Variants in PRKG2 observed in about 807,000 individuals in gnomAD.
The protein encoded by PRKG2 is cGMP-dependent protein kinase 2.
In PRKG2, 33 loss-of-function variants were observed where a neutral mutation model predicts 97.2. That is an observed-to-expected ratio of 0.34 (90% CI 0.26 to 0.45). PRKG2 has a LOEUF of 0.45. Ranked by LOEUF, PRKG2 falls within the 20% of genes least tolerant of loss-of-function variation. PRKG2 has a pLI of 1.00. For missense variants in PRKG2, 638 were observed against 900.0 expected (o/e 0.71, Z 3.73); for synonymous variants, 330 against 321.8 (o/e 1.03, Z -0.27).
intron 2 of PRKG2, among the ~76,000 whole-genome samples, chr4:81,187,446 C>T (rs1010681786): frequency 2.6e-5 from 4 of 151,748 alleles, no homozygotes; most frequent in African/African-American, 9.7e-5. Flanking sequence ...TAAAAACTCT[C>T]AATGAACTAC....
rs114428439 is a variant in PRKG2 at position 81,174,439 on chromosome 4, C to T, written c.628+354G>A. 5.2e-3 allele frequency among the ~76,000 whole-genome samples: 784 copies of T among 152,088 alleles called. 13 individuals are homozygous for T. The highest frequency in any genetic ancestry group is 0.018 in the African/African-American group (746 of 41,542). On this transcript the variant is annotated intron_variant, in intron 3 of 18. Coordinates refer to ENST00000264399, the MANE Select transcript of PRKG2 (RefSeq NM_006259.3). ...TCAAATTGCCTAAGTGTGCATTTTA[C>T]CTCCACTGCTTATGATCTATGTGGC...
In PRKG2 at chr4:81,148,957, A is replaced by G. The variant is rs1484174342; in HGVS notation, c.1086-5T>C. ...TTAGCTGACCTGACATCATCACTGCAAACAAAAATAGGAAAGTCAATTTTC... is the reference window on the plus strand; with the variant it reads ...TTAGCTGACCTGACATCATCACTGCGAACAAAAATAGGAAAGTCAATTTTC... On this transcript the variant is annotated splice_region_variant and splice_polypyrimidine_tract_variant and intron_variant, in intron 8 of 18. Coordinates refer to ENST00000264399, the MANE Select transcript of PRKG2 (RefSeq NM_006259.3). 1 of 1,613,184 alleles carries G rather than the reference A, an allele frequency of 6.2e-7. No individual in the cohort carries two copies. Among genetic ancestry groups the G allele is most frequent in the Admixed American group, 1.7e-5 (1 of 59,986 alleles).
rs59866145 is a variant in PRKG2, at chr4:81,092,465, AAAGGAAGGAAGG to A, written c.2127-25_2127-14del. On this transcript the variant is annotated splice_polypyrimidine_tract_variant and intron_variant, in intron 17 of 18. Coordinates refer to ENST00000264399, the MANE Select transcript of PRKG2 (RefSeq NM_006259.3). ...ACCATTTAACCACCTGAGAAATGAG[AAAGGAAGGAAGG>A]AAGGAAGGAAGGAAGGAAGGAAGGA... 7,377 of 925,864 alleles carry A rather than the reference AAAGGAAGGAAGG, an allele frequency of 8.0e-3. 99 individuals are homozygous for A. The highest frequency in any genetic ancestry group is 0.03 in the South Asian group (1,731 of 57,658). The allele number at this position is 925,864 out of a possible 1,614,324, so 57.4% of individuals were successfully genotyped here. A position where few individuals can be genotyped will look rare whatever the true frequency, so the allele number is the denominator to read the frequency against.
intron 15 of PRKG2, among the ~76,000 whole-genome samples, chr4:81,107,546 C>T (rs1320933954): frequency 6.6e-6 from 1 of 152,068 alleles, no homozygotes; most frequent in Non-Finnish European, 1.5e-5. Context: ...GGGAGTCTCA[C>T]TCTGTCATCA....
chr4:81,162,632 A>T (rs971680366), intron 6 of PRKG2, among the ~76,000 whole-genome samples: 18 of 152,128 alleles, frequency 1.2e-4, no homozygotes, highest in African/African-American at 4.3e-4. Context: ...TTTGCCTCAT[A>T]GTTTGCTTAC....
At chr4:81,145,023 T>G (rs1025949437) in intron 9 of PRKG2, among the ~76,000 whole-genome samples, 2 of 152,058 alleles carry the variant, frequency 1.3e-5, no homozygotes, top group African/African-American at 4.8e-5. Flanking sequence ...GACATTTGGG[T>G]TGGTTCCAAG....
At chr4:81,177,434 G>A (rs183148727) in intron 2 of PRKG2, among the ~76,000 whole-genome samples, 73 of 152,188 alleles carry the variant, frequency 4.8e-4, no homozygotes, top group Non-Finnish European at 4.4e-4. Flanking sequence ...GGCCAGGCGC[G>A]GTGGCTCACG....
chr4:81,211,292 T>C (rs1444598475), intron 1 of PRKG2, among the ~76,000 whole-genome samples: 1 of 152,182 alleles, frequency 6.6e-6, no homozygotes, highest in Non-Finnish European at 1.5e-5. Flanking sequence ...GGTGGGTATA[T>C]AGGAACTCTG....
intron 6 of PRKG2, among the ~76,000 whole-genome samples, chr4:81,161,817 C>A (rs186521969): frequency 6.6e-6 from 1 of 152,156 alleles, no homozygotes; most frequent in East Asian, 1.9e-4. Flanking sequence ...ATTCACCTAG[C>A]CAATTAATGA....
chr4:81,096,261 G>A (rs1178562515), intron 17 of PRKG2, among the ~76,000 whole-genome samples: 2 of 152,158 alleles, frequency 1.3e-5, no homozygotes, highest in Non-Finnish European at 2.9e-5. Context: ...CTGAGGTTAG[G>A]CTGGGCATAG....
intron 17 of PRKG2, among the ~76,000 whole-genome samples, chr4:81,100,164 AT>A (rs1338358231): frequency 8.6e-5 from 13 of 151,838 alleles, no homozygotes; most frequent in African/African-American, 3.2e-4. Flanking sequence ...ATTCAATGCC[AT>A]CTCCATCAAG....
intron 6 of PRKG2, among the ~76,000 whole-genome samples, chr4:81,159,815 T>C (rs1320813506): frequency 6.6e-6 from 1 of 151,882 alleles, no homozygotes; most frequent in East Asian, 1.9e-4. Context: ...TGTAGGGACA[T>C]GGATGAAATT....
At chr4:81,162,361 A>C (rs1749650268) in intron 6 of PRKG2, among the ~76,000 whole-genome samples, 1 of 152,122 alleles carries the variant, frequency 6.6e-6, no homozygotes, top group Admixed American at 6.6e-5. Flanking sequence ...TTTTATCTAA[A>C]ATAATCTGAG....
chr4:81,145,287 G>A (rs147162982), intron 9 of PRKG2, among the ~76,000 whole-genome samples: 1 of 152,162 alleles, frequency 6.6e-6, no homozygotes, highest in African/African-American at 2.4e-5. Flanking sequence ...GAAGATAGTG[G>A]GAAGGGAACA....
intron 2 of PRKG2, among the ~76,000 whole-genome samples, chr4:81,187,212 T>C (rs994900496): frequency 2.6e-5 from 4 of 152,178 alleles, no homozygotes; most frequent in African/African-American, 9.7e-5. Flanking sequence ...TGAACATTGA[T>C]GCAAAAATCC....
At chr4:81,188,792 A>G (rs1333703980) in intron 2 of PRKG2, among the ~76,000 whole-genome samples, 8 of 103,080 alleles carry the variant, frequency 7.8e-5, no homozygotes, top group African/African-American at 5.3e-4. Flanking sequence ...GAAACACCGC[A>G]TATTCTCACT....
chr4:81,114,255 G>T (rs188027074), intron 14 of PRKG2, among the ~76,000 whole-genome samples: 2 of 151,754 alleles, frequency 1.3e-5, no homozygotes, highest in Admixed American at 6.6e-5. Context: ...CTTCGAAAAG[G>T]CAATGTATCC....
chr4:81,132,923 T>C (rs1200635934), intron 14 of PRKG2, among the ~76,000 whole-genome samples: 1 of 151,840 alleles, frequency 6.6e-6, no homozygotes, highest in Non-Finnish European at 1.5e-5. Flanking sequence ...CTTATGTGTC[T>C]GCTTCTGCTC....
chr4:81,103,238 C>T (rs1742984973), intron 17 of PRKG2, among the ~76,000 whole-genome samples: 1 of 152,116 alleles, frequency 6.6e-6, no homozygotes, highest in South Asian at 2.1e-4. Flanking sequence ...TATACATGTG[C>T]CATGTTGGTG....
Sources: allele counts gnomAD v4.1 joint callset (sites outside exome capture counted in the v4.1 genomes callset), GRCh38; gene constraint gnomAD v4.1.1; transcripts MANE v1.5; gene names NCBI Gene and HGNC (gene_info 2026-07-23, HGNC 2026-07-21).